ARFGAP3: variants seen among roughly 807,000 people sequenced by gnomAD.
The protein encoded by ARFGAP3 is ADP-ribosylation factor GTPase-activating protein 3.
ARFGAP3 carries 72 observed loss-of-function variants against 75.0 expected under a neutral mutation model. The observed-to-expected ratio is 0.96, with a 90% confidence interval of 0.79 to 1.17. ARFGAP3 has a LOEUF of 1.17. Among genes scored for constraint, ARFGAP3 ranks in the 50% most tolerant of loss-of-function variants. The pLI is 0.00. For missense variants in ARFGAP3, 620 were observed against 626.6 expected, an observed-to-expected ratio of 0.99 and a Z score of 0.11; for synonymous variants, 221 against 217.9, an observed-to-expected ratio of 1.01 and a Z score of -0.13.
intron 2 of ARFGAP3, among the ~76,000 whole-genome samples, chr22:42,846,837 A>T (rs1927042718): frequency 6.6e-6 from 1 of 152,236 alleles, no homozygotes. Context: ...TGATTGACAT[A>T]AATCGGTTTT....
chr22:42,844,891 T>A (rs1192295250), intron 2 of ARFGAP3, among the ~76,000 whole-genome samples: 5 of 152,196 alleles, frequency 3.3e-5, no homozygotes, highest in Non-Finnish European at 7.3e-5. Context: ...TTGTGACTCA[T>A]ACAGTTCTAT....
At chr22:42,834,497 C>T (rs766426738) in intron 4 of ARFGAP3, 172 bp from the exon 5 acceptor site, 185 of 855,516 alleles carry the variant, frequency 2.2e-4, no homozygotes, top group Non-Finnish European at 2.6e-4. Flanking sequence ...AGTAATCTAT[C>T]ATCCAGTAAA....
intron 3 of ARFGAP3, 161 bp from the exon 4 acceptor site, chr22:42,835,654 T>A (rs1446296981): frequency 2.7e-6 from 1 of 364,568 alleles, no homozygotes; most frequent in Admixed American, 6.5e-5. Flanking sequence ...ACCTTGCCTT[T>A]ACTAAAAATA....
rs1351277010 is a variant in ARFGAP3 at position 42,835,639 on chromosome 22, G to A, written c.262-146C>T. 7 of 804,904 alleles carry A rather than the reference G, an allele frequency of 8.7e-6. No individual in the cohort carries two copies. In the East Asian group the frequency reaches 1.4e-4, roughly 16 times the overall value. 49.9% of individuals were successfully genotyped at this position (804,904 alleles called of 1,614,324 possible). Reference sequence around the variant, plus strand: ...GATCAGTACCATCCTGGCTAACACGGTGAAACCTTGCCTTTACTAAAAATA... The same window carrying A: ...GATCAGTACCATCCTGGCTAACACGATGAAACCTTGCCTTTACTAAAAATA... On this transcript the variant is annotated intron_variant, in intron 3 of 15. Transcript: ENST00000263245.
chr22:42,834,329 G>A lies in ARFGAP3; in HGVS notation c.394-4C>T. On this transcript the variant is annotated splice_polypyrimidine_tract_variant and splice_region_variant and intron_variant, in intron 4 of 15. Transcript: ENST00000263245. ...CCACACAACTATCAAGCCACAGCTA[G>A]AACAAAAAAACAACACAGGGCTGAG... 1 of 1,611,622 alleles carries A rather than the reference G, an allele frequency of 6.2e-7. No individual in the cohort carries two copies. The highest frequency in any genetic ancestry group is 8.5e-7 in the Non-Finnish European group (1 of 1,179,292).
chr22:42,830,637 C>T (rs1926244251), intron 6 of ARFGAP3, among the ~76,000 whole-genome samples: 1 of 152,216 alleles, frequency 6.6e-6, no homozygotes, highest in South Asian at 2.1e-4. Flanking sequence ...AAAGAGCTGA[C>T]TACTCATGTC....
intron 1 of ARFGAP3, among the ~76,000 whole-genome samples, chr22:42,855,421 C>T (rs1248748419): frequency 1.3e-5 from 2 of 152,226 alleles, no homozygotes; most frequent in South Asian, 4.1e-4. Flanking sequence ...CGCGGTGGCT[C>T]ACGCCTGTAA....
chr22:42,827,074 A>G, intron 6 of ARFGAP3, 75 bp from the exon 7 acceptor site: 1 of 1,544,594 alleles, frequency 6.5e-7, no homozygotes, highest in East Asian at 2.3e-5. Context: ...TAATAATTCA[A>G]CTTGCTCAGT....
At chr22:42,846,506 G>A (rs1054826213) in intron 2 of ARFGAP3, among the ~76,000 whole-genome samples, 1 of 152,222 alleles carries the variant, frequency 6.6e-6, no homozygotes, top group African/African-American at 2.4e-5. Context: ...ATGGGCTATT[G>A]CCATAGAGTA....
Position 42,822,479 on chromosome 22 carries a change from C to G in ARFGAP3, c.673-70G>C, listed in dbSNP as rs1925856842. On this transcript the variant is annotated intron_variant, in intron 8 of 15. Transcript: ENST00000263245. ...CTTCTGTGACTACAGCTAACATTTC[C>G]TAAGGGTTAGGACCTGCCAGGCACT... 3.2e-6 allele frequency: 5 copies of G among 1,574,276 alleles called. No homozygotes were observed. The Admixed American group carries it at 9.1e-5, about 29-fold the overall frequency.
chr22:42,807,301 C>T (rs1925170502), intron 13 of ARFGAP3, 138 bp from the exon 14 acceptor site: 6 of 1,439,286 alleles, frequency 4.2e-6, no homozygotes, highest in Non-Finnish European at 4.6e-6. Flanking sequence ...AATGCCACTG[C>T]CAAGGCCAGG....
chr22:42,819,878 T>C (rs572489266), intron 9 of ARFGAP3, among the ~76,000 whole-genome samples: 2 of 152,202 alleles, frequency 1.3e-5, no homozygotes, highest in Admixed American at 6.5e-5. Context: ...TAAGGCACAG[T>C]GGTGTGGTTG....
intron 1 of ARFGAP3, among the ~76,000 whole-genome samples, chr22:42,847,937 T>C (rs1322320913): frequency 6.6e-6 from 1 of 151,374 alleles, no homozygotes; most frequent in Non-Finnish European, 1.5e-5. Flanking sequence ...CAATCTCGGC[T>C]CACTGTAACC....
chr22:42,804,969 T>A (rs1027672247), intron 14 of ARFGAP3, among the ~76,000 whole-genome samples: 1 of 152,208 alleles, frequency 6.6e-6, no homozygotes, highest in African/African-American at 2.4e-5. Context: ...ATGCTCTGAA[T>A]AATAAAAAGT....
chr22:42,822,677 C>T lies in ARFGAP3; in HGVS notation c.673-268G>A, dbSNP rs529607687. Among the ~76,000 whole-genome samples, 27 of 152,294 alleles carry T rather than the reference C, an allele frequency of 1.8e-4. No homozygotes were observed. The South Asian group carries it at 4.8e-3, about 27-fold the overall frequency. ...GGGCGTAGTATCTGCATTTAACCCA[C>T]GTGTAGCCTCCAGTATACTTTCAAT... On this transcript the variant is annotated intron_variant, in intron 8 of 15. Transcript: ENST00000263245.
intron 1 of ARFGAP3, among the ~76,000 whole-genome samples, chr22:42,853,003 A>T (rs1927345144): frequency 1.3e-5 from 2 of 152,170 alleles, no homozygotes; most frequent in African/African-American, 4.8e-5. Context: ...ACCTCAGGTG[A>T]TCCACCCGCC....
At chr22:42,834,110 C>T (rs1035387839) in intron 5 of ARFGAP3, 132 bp downstream of exon 5, 7 of 803,220 alleles carry the variant, frequency 8.7e-6, no homozygotes, top group Non-Finnish European at 1.2e-5. Context: ...AATGTCATTT[C>T]TCTCTTCAGT....
At chr22:42,810,737 GTCA>G (rs1925330443) in intron 12 of ARFGAP3, 73 bp downstream of exon 12, 2 of 1,320,502 alleles carry the variant, frequency 1.5e-6, no homozygotes. Context: ...GGGTTTTCAT[GTCA>G]TCATGTTATC....
At chr22:42,822,199 T>C in intron 9 of ARFGAP3, 71 bp downstream of exon 9, 1 of 1,380,742 alleles carries the variant, frequency 7.2e-7, no homozygotes. Context: ...TACATGGCAT[T>C]TGGAAAGCAA....
Sources: allele counts gnomAD v4.1 joint callset (sites outside exome capture counted in the v4.1 genomes callset), GRCh38; gene constraint gnomAD v4.1.1; transcripts MANE v1.5; gene names NCBI Gene and HGNC (gene_info 2026-07-23, HGNC 2026-07-21).